Variants in LUC7L2 observed in about 807,000 individuals in gnomAD.
The protein encoded by LUC7L2 is LUC7 like 2, pre-mRNA splicing factor.
In LUC7L2, 25 loss-of-function variants were observed where a neutral mutation model predicts 52.8. The ratio of observed to expected loss-of-function variants is 0.47; its 90% CI spans 0.34 to 0.66. LUC7L2 has a LOEUF of 0.66. LUC7L2 is among the 30% of genes least tolerant of loss of function. The pLI, the probability that LUC7L2 is intolerant of heterozygous loss-of-function variation, is 0.01. For missense variants in LUC7L2, 328 were observed against 497.8 expected (o/e 0.66, Z 3.25); for synonymous variants, 144 against 160.9 (o/e 0.89, Z 0.80).
intron 8 of LUC7L2, among the ~76,000 whole-genome samples, chr7:139,415,184 T>G (rs985607509): frequency 6.6e-6 from 1 of 150,974 alleles, no homozygotes; most frequent in Admixed American, 6.7e-5. Context: ...AGTGTTGGGA[T>G]TACAGGCATG....
At chr7:139,412,853 AT>A (rs1022203211) in intron 8 of LUC7L2, 20 of 207,680 alleles carry the variant, frequency 9.6e-5, no homozygotes, top group African/African-American at 4.4e-4. Context: ...AAAAAAGAAA[AT>A]TTTTTTTGAA....
chr7:139,358,249 C>T (rs1335240993), upstream of LUC7L2, among the ~76,000 whole-genome samples: 1 of 150,834 alleles, frequency 6.6e-6, no homozygotes, highest in African/African-American at 2.4e-5. Context: ...TCAAGGTGAT[C>T]CGCCCGCCTC....
At chr7:139,366,919 C>G (rs1800187168) in intron 1 of LUC7L2, among the ~76,000 whole-genome samples, 1 of 152,164 alleles carries the variant, frequency 6.6e-6, no homozygotes, top group Admixed American at 6.6e-5. Flanking sequence ...TTGAGAAACC[C>G]TCTTCTAGAT....
chr7:139,362,664 G>A (rs2131181176), intron 1 of LUC7L2, among the ~76,000 whole-genome samples: 2 of 145,848 alleles, frequency 1.4e-5, no homozygotes, highest in South Asian at 4.4e-4. Context: ...ATAAAGCAGC[G>A]ACTCTCTTTT....
chr7:139,363,003 C>A (rs938048983), intron 1 of LUC7L2, among the ~76,000 whole-genome samples: 4 of 152,022 alleles, frequency 2.6e-5, no homozygotes, highest in Non-Finnish European at 4.4e-5. Context: ...CTGGGCACTT[C>A]AAGAAAGGAC....
intron 2 of LUC7L2, among the ~76,000 whole-genome samples, chr7:139,386,256 CCT>C (rs1209509377): frequency 6.6e-6 from 1 of 152,150 alleles, no homozygotes; most frequent in Non-Finnish European, 1.5e-5. Flanking sequence ...CCTGCCTTGA[CCT>C]CTCAAAGTGC....
intron 1 of LUC7L2, among the ~76,000 whole-genome samples, chr7:139,344,695 CTT>C (rs1026301999): frequency 1.0e-3 from 120 of 116,356 alleles, no homozygotes; most frequent in Admixed American, 1.9e-3. Context: ...AATTTTCTTT[CTT>C]TTTTTTTTTT....
chr7:139,376,123 C>G lies in LUC7L2; in HGVS notation c.123C>G (p.Leu41=). 2 of 1,613,876 alleles carry G rather than the reference C, an allele frequency of 1.2e-6. No homozygotes were observed. Among genetic ancestry groups the G allele is most frequent in the Admixed American group, 1.7e-5 (1 of 60,022 alleles). ...ACAGAGTATGCAAGAGTCACCTTCT[C>G]AACTGTTGTCCTCATGATGTCCTTT... ...SDDRVCKSHL[L]NCCPHDVLSG... Residue 41 remains leucine, a synonymous_variant, in exon 2 of 10, where the codon CTC becomes CTG. Coordinates refer to ENST00000354926, the MANE Select transcript of LUC7L2 (RefSeq NM_016019.5).
chr7:139,423,446 T>C lies in LUC7L2; in HGVS notation c.*1106T>C. ...AACAAACCCAAATAAAAACAGTATA[T>C]GTAACCAACATAATGAGACTTAAGT... On this transcript the variant is annotated 3_prime_UTR_variant, in exon 10 of 10. Transcript: ENST00000354926. The C allele has an allele frequency of 2.5e-6, 1 of 398,920 alleles. No individual in the cohort carries two copies. The highest frequency in any genetic ancestry group is 1.3e-4 in the South Asian group (1 of 7,860). 24.7% of individuals were successfully genotyped at this position (398,920 alleles called of 1,614,324 possible). A position where few individuals can be genotyped will look rare whatever the true frequency, so the allele number is the denominator to read the frequency against.
At chr7:139,409,527 C>T (rs1433897266) in intron 6 of LUC7L2, 36 bp from the exon 7 acceptor site, 8 of 1,575,368 alleles carry the variant, frequency 5.1e-6, no homozygotes, top group Non-Finnish European at 6.9e-6. Context: ...AGAATGGACT[C>T]AGTAAATATT....
chr7:139,414,887 A>G (rs186739240), intron 8 of LUC7L2, among the ~76,000 whole-genome samples: 4 of 151,832 alleles, frequency 2.6e-5, no homozygotes, highest in East Asian at 3.9e-4. Flanking sequence ...ACGTAATAAC[A>G]TCTTTTAATT....
At chr7:139,420,754 A>G (rs1795864285) in intron 9 of LUC7L2, among the ~76,000 whole-genome samples, 1 of 152,110 alleles carries the variant, frequency 6.6e-6, no homozygotes, top group Non-Finnish European at 1.5e-5. Flanking sequence ...AACAAAGGCT[A>G]TGGATAGGAC....
intron 1 of LUC7L2, among the ~76,000 whole-genome samples, chr7:139,368,559 T>C (rs1349138041): frequency 6.6e-6 from 1 of 152,036 alleles, no homozygotes; most frequent in Non-Finnish European, 1.5e-5. Context: ...GCCAACATGG[T>C]GAAACCTGTC....
At chr7:139,379,549 CTTTTTTTTTTTTTTTTTTTTTTTTT>C (rs539771697) in intron 2 of LUC7L2, among the ~76,000 whole-genome samples, 3 of 52,684 alleles carry the variant, frequency 5.7e-5, no homozygotes, top group South Asian at 7.9e-4. Flanking sequence ...ATAACTAATG[CTTTTTTTTTTTTTTTTTTTTTTTTT>C]TTTTTTTTTT....
intron 1 of LUC7L2, 68 bp from the exon 2 acceptor site, chr7:139,375,994 A>G (rs753919997): frequency 5.7e-5 from 88 of 1,530,746 alleles, no homozygotes; most frequent in Non-Finnish European, 7.8e-5. Context: ...AGCTAGTAAT[A>G]GTAGGGCTCT....
rs912200068 is a variant in LUC7L2 at position 139,402,880 on chromosome 7, A to G, written c.366+633A>G. Among the ~76,000 whole-genome samples, 13 of 152,328 alleles carry G rather than the reference A, an allele frequency of 8.5e-5. 1 individual carries two copies. Among genetic ancestry groups the G allele is most frequent in the African/African-American group, 3.1e-4 (13 of 41,582 alleles). ...ACAGCCACAGTTAGGATGCTTAAGT[A>G]TAACATTGCCACAAGACTCCCTCAT... On this transcript the variant is annotated intron_variant, in intron 4 of 9. Coordinates refer to ENST00000354926, the MANE Select transcript of LUC7L2 (RefSeq NM_016019.5).
At chr7:139,393,889 C>T (rs1794550452) in intron 2 of LUC7L2, among the ~76,000 whole-genome samples, 1 of 152,076 alleles carries the variant, frequency 6.6e-6, no homozygotes, top group African/African-American at 2.4e-5. Context: ...CCACTAGGTC[C>T]CTGAAGAGAT....
intron 1 of LUC7L2, chr7:139,374,861 T>C: frequency 1.3e-5 from 13 of 1,001,234 alleles, no homozygotes; most frequent in Non-Finnish European, 1.6e-5. Flanking sequence ...AAAGTTTTAA[T>C]CTTTTTTGTT....
intron 8 of LUC7L2, 175 bp downstream of exon 8, chr7:139,412,755 G>T (rs1373800045): frequency 6.6e-6 from 4 of 603,284 alleles, no homozygotes; most frequent in African/African-American, 3.9e-5. Context: ...AAGCCGGGAG[G>T]CAGAGGTTGC....
Sources: gnomAD v4.1 joint callset for allele counts (sites outside exome capture counted in the v4.1 genomes callset) on GRCh38, gnomAD v4.1.1 for gene constraint, MANE v1.5 for transcripts, NCBI Gene and HGNC (gene_info 2026-07-23, HGNC 2026-07-21) for gene names.